Variants in SUDS3 observed in about 807,000 individuals in gnomAD.
SUDS3 encodes sin3 histone deacetylase corepressor complex component SDS3.
A neutral mutation model predicts 53.5 loss-of-function variants in SUDS3; 23 were observed. The ratio of observed to expected loss-of-function variants is 0.43; its 90% CI spans 0.31 to 0.61. The LOEUF (loss-of-function observed/expected upper bound fraction) is 0.61. Among genes scored for constraint, SUDS3 ranks in the 20% least tolerant of loss-of-function variants. The pLI, the probability that SUDS3 is intolerant of heterozygous loss-of-function variation, is 0.10. For synonymous variants in SUDS3, 150 were observed against 148.5 expected (o/e 1.01, Z -0.08); for missense variants, 291 against 405.9 (o/e 0.72, Z 2.43).
intron 4 of SUDS3, among the ~76,000 whole-genome samples, chr12:118,386,497 TCA>T (rs1207034831): frequency 1.3e-5 from 2 of 151,888 alleles, no homozygotes; most frequent in African/African-American, 2.4e-5. Flanking sequence ...TGATGTACAG[TCA>T]GAAGTGCGGA....
At chr12:118,380,341 T>C in intron 2 of SUDS3, 110 bp downstream of exon 2, 4 of 933,096 alleles carry the variant, frequency 4.3e-6, no homozygotes, top group Non-Finnish European at 6.5e-6. Context: ...TAAAACTTCC[T>C]GAGTGCCAGC....
At chr12:118,397,723 G>GT (rs2046228313) in intron 6 of SUDS3, among the ~76,000 whole-genome samples, 3 of 141,580 alleles carry the variant, frequency 2.1e-5, no homozygotes, top group African/African-American at 9.2e-5. Context: ...TAATAAAATA[G>GT]ATTTTTTTTT....
intron 10 of SUDS3, among the ~76,000 whole-genome samples, chr12:118,403,793 CCTGCCAACTGGGG>C (rs1207702525): frequency 1.3e-5 from 2 of 152,078 alleles, no homozygotes; most frequent in Non-Finnish European, 2.9e-5. Flanking sequence ...GTGTGGTACC[CCTGCCAACTGGGG>C]CTGGGGTGTA....
At chr12:118,399,990 T>C (rs1475486317) in intron 6 of SUDS3, among the ~76,000 whole-genome samples, 4 of 152,032 alleles carry the variant, frequency 2.6e-5, no homozygotes, top group Non-Finnish European at 5.9e-5. Context: ...AGGAGGCAGG[T>C]TCACCTCCTT....
intron 6 of SUDS3, among the ~76,000 whole-genome samples, chr12:118,396,043 A>C (rs1386580494): frequency 2.0e-5 from 3 of 152,020 alleles, no homozygotes; most frequent in African/African-American, 4.8e-5. Context: ...CCACCGCAGC[A>C]TTAATTTGTG....
chr12:118,413,985 A>G (rs549721318), intron 11 of SUDS3, among the ~76,000 whole-genome samples: 21 of 152,338 alleles, frequency 1.4e-4, no homozygotes, highest in African/African-American at 5.1e-4. Flanking sequence ...TTATGAATAG[A>G]TGTCTCTTGA....
intron 3 of SUDS3, among the ~76,000 whole-genome samples, chr12:118,385,679 C>T (rs993836222): frequency 2.0e-5 from 3 of 152,184 alleles, no homozygotes; most frequent in Non-Finnish European, 2.9e-5. Context: ...ATTTCAAGTG[C>T]TAAAATAGCC....
intron 6 of SUDS3, among the ~76,000 whole-genome samples, chr12:118,398,218 C>T (rs900563205): frequency 1.3e-5 from 2 of 152,170 alleles, no homozygotes; most frequent in Non-Finnish European, 2.9e-5. Flanking sequence ...TCACATGTAA[C>T]CCTCACGGCG....
chr12:118,382,812 C>T (rs1274095115), intron 2 of SUDS3, among the ~76,000 whole-genome samples: 6 of 147,866 alleles, frequency 4.1e-5, no homozygotes, highest in Admixed American at 6.9e-5. Context: ...GGATTACAGG[C>T]GCCCACCACC....
chr12:118,393,968 G>C (rs747358369), intron 6 of SUDS3, among the ~76,000 whole-genome samples: 1 of 152,106 alleles, frequency 6.6e-6, no homozygotes, highest in Non-Finnish European at 1.5e-5. Flanking sequence ...ACCGTGCCCC[G>C]GCTGAGATCC....
At chr12:118,406,939 CA>C (rs1468220033) in intron 10 of SUDS3, among the ~76,000 whole-genome samples, 3 of 151,650 alleles carry the variant, frequency 2.0e-5, no homozygotes, top group Admixed American at 1.3e-4. Flanking sequence ...CACTGTCCCC[CA>C]GGCTGGCATG....
At chr12:118,389,145 T>C (rs2046142070) in intron 4 of SUDS3, among the ~76,000 whole-genome samples, 1 of 151,910 alleles carries the variant, frequency 6.6e-6, no homozygotes, top group Non-Finnish European at 1.5e-5. Context: ...CCAGACTCTG[T>C]CTCAAAAAAA....
intron 6 of SUDS3, among the ~76,000 whole-genome samples, chr12:118,395,099 G>C (rs1182658005): frequency 6.6e-6 from 1 of 152,026 alleles, no homozygotes; most frequent in African/African-American, 2.4e-5. Context: ...CAAGACAAGA[G>C]GAAGAGGCCC....
intron 2 of SUDS3, among the ~76,000 whole-genome samples, chr12:118,382,755 G>C (rs1037374601): frequency 8.0e-5 from 12 of 150,062 alleles, no homozygotes; most frequent in Admixed American, 6.0e-4. Flanking sequence ...GCAACCTCCA[G>C]CCCCTGGGTT....
chr12:118,407,573 TG>T (rs2046318862), intron 10 of SUDS3, among the ~76,000 whole-genome samples: 1 of 152,206 alleles, frequency 6.6e-6, no homozygotes, highest in African/African-American at 2.4e-5. Flanking sequence ...TTCTTGGGTT[TG>T]GGTTCTAAGT....
chr12:118,413,714 G>A (rs1396870302), intron 11 of SUDS3, among the ~76,000 whole-genome samples: 2 of 152,190 alleles, frequency 1.3e-5, no homozygotes, highest in Admixed American at 6.5e-5. Context: ...CATCTGCCCT[G>A]TAAAATGCAC....
intron 10 of SUDS3, among the ~76,000 whole-genome samples, chr12:118,410,290 A>T (rs2046346525): frequency 6.6e-6 from 1 of 152,246 alleles, no homozygotes; most frequent in South Asian, 2.1e-4. Context: ...ACAAATAGAA[A>T]ATAAATAACG....
intron 2 of SUDS3, 74 bp downstream of exon 2, chr12:118,380,305 T>C: frequency 7.5e-7 from 1 of 1,334,854 alleles, no homozygotes; most frequent in Non-Finnish European, 1.0e-6. Flanking sequence ...GCATCCCAAA[T>C]CTGAAATCTC....
At chr12:118,386,409 C>T (rs2046115163) in intron 4 of SUDS3, among the ~76,000 whole-genome samples, 1 of 152,162 alleles carries the variant, frequency 6.6e-6, no homozygotes, top group East Asian at 1.9e-4. Flanking sequence ...TCTGAGGAGG[C>T]TCCTTGGAGT....
Sources: gnomAD v4.1 joint callset for allele counts (sites outside exome capture counted in the v4.1 genomes callset) on GRCh38, gnomAD v4.1.1 for gene constraint, MANE v1.5 for transcripts, NCBI Gene and HGNC (gene_info 2026-07-23, HGNC 2026-07-21) for gene names.